Variants in PRELID3A observed in about 807,000 individuals in gnomAD.
The protein encoded by PRELID3A is PRELI domain containing 3A.
Under a neutral mutation model 23.0 loss-of-function variants are expected in PRELID3A, and 27 were observed. The observed-to-expected ratio is 1.17, with a 90% confidence interval of 0.87 to 1.62. The LOEUF is 1.62. Among genes scored for constraint, PRELID3A ranks in the 40% most tolerant of loss-of-function variants. The probability of loss-of-function intolerance (pLI) is 0.00; values close to 1 mark genes in which losing one functional copy is unlikely to be tolerated. For synonymous variants in PRELID3A, 87 were observed against 86.4 expected (o/e 1.01, Z -0.04); for missense variants, 231 against 231.4 (o/e 1.00, Z 0.01).
chr18:12,429,935 G>A (rs2030511832), intron 6 of PRELID3A, among the ~76,000 whole-genome samples: 3 of 152,350 alleles, frequency 2.0e-5, no homozygotes, highest in African/African-American at 2.4e-5. Flanking sequence ...TGAGCTTCAC[G>A]AACATTCCCT....
At chr18:12,421,204 A>C (rs2030170121) in intron 2 of PRELID3A, 2 of 256,816 alleles carry the variant, frequency 7.8e-6, no homozygotes, top group Non-Finnish European at 1.5e-5. Flanking sequence ...TGACACCCCC[A>C]CCCCAGCACT....
intron 1 of PRELID3A, among the ~76,000 whole-genome samples, chr18:12,418,029 C>G (rs2030019967): frequency 6.6e-6 from 1 of 152,116 alleles, no homozygotes; most frequent in African/African-American, 2.4e-5. Context: ...TCATCTGGGC[C>G]CTGCTGCTAA....
At chr18:12,426,436 C>T (rs1314326629) in intron 3 of PRELID3A, among the ~76,000 whole-genome samples, 30 of 150,642 alleles carry the variant, frequency 2.0e-4, no homozygotes, top group South Asian at 4.2e-4. Flanking sequence ...TGCCTGTAGT[C>T]CCAGCTACTC....
chr18:12,420,762 G>T (rs2030149236), intron 2 of PRELID3A, among the ~76,000 whole-genome samples: 1 of 95,156 alleles, frequency 1.1e-5, no homozygotes, highest in Non-Finnish European at 2.2e-5. Flanking sequence ...GGGGGTCGGT[G>T]GGGGGGGATC....
chr18:12,426,289 TCA>T (rs756750097), intron 3 of PRELID3A, among the ~76,000 whole-genome samples: 2 of 150,852 alleles, frequency 1.3e-5, no homozygotes, highest in Non-Finnish European at 2.9e-5. Flanking sequence ...GTGGAGTGGC[TCA>T]CGCCTGTAAT....
chr18:12,429,339 C>G lies in PRELID3A; in HGVS notation c.466-11C>G. The G allele has an allele frequency of 6.2e-7, 1 of 1,613,426 alleles. No individual in the cohort carries two copies. Among genetic ancestry groups the G allele is most frequent in the Non-Finnish European group, 8.5e-7 (1 of 1,179,846 alleles). On this transcript the variant is annotated splice_polypyrimidine_tract_variant and intron_variant, in intron 5 of 6. Coordinates refer to ENST00000440960, the MANE Select transcript of PRELID3A (RefSeq NM_001142405.2). ...CGACCCACTCAGTGCTGAAATCTTT[C>G]TGTGTTGCAGGGGTGGGCTGCTATC...
intron 1 of PRELID3A, among the ~76,000 whole-genome samples, chr18:12,415,190 A>G (rs2029905716): frequency 1.3e-5 from 2 of 151,604 alleles, no homozygotes; most frequent in Non-Finnish European, 2.9e-5. Context: ...TTGGCCTCCC[A>G]AAATGCTGGG....
chr18:12,422,089 G>A (rs1055862102), intron 3 of PRELID3A, among the ~76,000 whole-genome samples: 1 of 151,802 alleles, frequency 6.6e-6, no homozygotes, highest in Admixed American at 6.6e-5. Flanking sequence ...ACAGGCACGT[G>A]CCACCATCCC....
At chr18:12,410,213 CG>C (rs1020602392) in intron 1 of PRELID3A, among the ~76,000 whole-genome samples, 7 of 152,216 alleles carry the variant, frequency 4.6e-5, no homozygotes, top group Non-Finnish European at 1.0e-4. Flanking sequence ...GGCACCCCGC[CG>C]GGGCCCGGCG....
At chr18:12,429,994 G>A (rs946620728) in intron 6 of PRELID3A, among the ~76,000 whole-genome samples, 8 of 152,242 alleles carry the variant, frequency 5.3e-5, no homozygotes, top group East Asian at 1.9e-4. Context: ...CTGCCCCGAC[G>A]GCCAGCGGCC....
rs1255123864 is a variant in PRELID3A at position 12,420,482 on chromosome 18, C to T, written c.190C>T (p.Leu64Phe). The change falls in exon 2 of 7, where the codon CTC becomes TTC. Residue 64 changes from leucine to phenylalanine, a missense_variant. Coordinates refer to ENST00000440960, the MANE Select transcript of PRELID3A (RefSeq NM_001142405.2). ...CAGCACCGAGTGGGGGCTGCCCAGC[C>T]TCGTGAGAGCGGTGAGCGGGGCGGG... ...LLSTEWGLPSLVRAILGTSRT... is the reference protein window; with the variant it reads ...LLSTEWGLPSFVRAILGTSRT... 1.9e-6 allele frequency: 3 copies of T among 1,542,292 alleles called. No homozygotes were observed. The South Asian group carries it at 3.6e-5, about 18-fold the overall frequency.
At chr18:12,427,658 C>T (rs958962876) in intron 5 of PRELID3A, among the ~76,000 whole-genome samples, 6 of 151,428 alleles carry the variant, frequency 4.0e-5, no homozygotes, top group African/African-American at 1.5e-4. Flanking sequence ...CACCACTGCA[C>T]TCCAGCCTGG....
chr18:12,430,846 G>A (rs371609752), intron 6 of PRELID3A, among the ~76,000 whole-genome samples: 20 of 150,488 alleles, frequency 1.3e-4, no homozygotes, highest in African/African-American at 4.9e-4. Context: ...ATGGGTGCAT[G>A]TGTGTGAGGT....
chr18:12,431,649 G>A lies in PRELID3A; in HGVS notation c.*533G>A, dbSNP rs1228914002. On this transcript the variant is annotated 3_prime_UTR_variant, in exon 7 of 7. Coordinates refer to ENST00000440960, the MANE Select transcript of PRELID3A (RefSeq NM_001142405.2). ...CTGCTGGCCTCGGTGGGCTCTGACTGCGGGGCTCACGGGGCCTGGGGCCAT... is the reference window on the plus strand; with the variant it reads ...CTGCTGGCCTCGGTGGGCTCTGACTACGGGGCTCACGGGGCCTGGGGCCAT... 1.3e-5 allele frequency: 2 copies of A among 152,880 alleles called. No homozygotes were observed. Among genetic ancestry groups the A allele is most frequent in the Non-Finnish European group, 2.9e-5 (2 of 68,660 alleles). 9.5% of individuals were successfully genotyped at this position (152,880 alleles called of 1,614,324 possible). A position where few individuals can be genotyped will look rare whatever the true frequency, so the allele number is the denominator to read the frequency against.
intron 1 of PRELID3A, among the ~76,000 whole-genome samples, chr18:12,410,387 C>T (rs1568159193): frequency 6.6e-6 from 1 of 152,162 alleles, no homozygotes; most frequent in Admixed American, 6.5e-5. Context: ...AGCAAAGGGC[C>T]GTAATGAAGC....
intron 3 of PRELID3A, among the ~76,000 whole-genome samples, chr18:12,426,403 A>T (rs565294630): frequency 2.0e-5 from 3 of 149,854 alleles, no homozygotes; most frequent in Admixed American, 6.7e-5. Flanking sequence ...AAATACAAAA[A>T]ATTAGCTGGG....
chr18:12,423,763 G>A (rs1043266481), intron 3 of PRELID3A, among the ~76,000 whole-genome samples: 2 of 152,166 alleles, frequency 1.3e-5, no homozygotes, highest in African/African-American at 2.4e-5. Context: ...GCAAGTACCC[G>A]AACCGGTACC....
At chr18:12,426,370 C>T (rs6505756) in intron 3 of PRELID3A, among the ~76,000 whole-genome samples, 141,954 of 149,604 alleles carry the variant, frequency 0.95, 67,522 homozygotes, top group Non-Finnish European at 0.98. Context: ...CTGGCTAACA[C>T]GGTGAAACTC....
intron 5 of PRELID3A, 46 bp downstream of exon 5, chr18:12,427,369 A>G (rs964620748): frequency 3.0e-6 from 4 of 1,339,422 alleles, no homozygotes; most frequent in Admixed American, 3.5e-5. Flanking sequence ...CTAGTTGTTA[A>G]GTGCCAGATT....
Sources: gnomAD v4.1 joint callset for allele counts (sites outside exome capture counted in the v4.1 genomes callset) on GRCh38, gnomAD v4.1.1 for gene constraint, MANE v1.5 for transcripts, NCBI Gene and HGNC (gene_info 2026-07-23, HGNC 2026-07-21) for gene names.